SLC8A1: variants seen among roughly 807,000 people sequenced by gnomAD.
The protein encoded by SLC8A1 is sodium/calcium exchanger 1.
Under a neutral mutation model 68.3 loss-of-function variants are expected in SLC8A1, and 18 were observed. The ratio of observed to expected loss-of-function variants is 0.26; its 90% CI spans 0.18 to 0.39. SLC8A1 has a LOEUF of 0.39. SLC8A1 is among the 10% of genes least tolerant of loss of function. The pLI is 1.00. For synonymous variants in SLC8A1, 475 were observed against 415.5 expected, an observed-to-expected ratio of 1.14 and a Z score of -1.74; for missense variants, 985 against 1,156.7, an observed-to-expected ratio of 0.85 and a Z score of 2.15.
At chr2:40,283,577 G>A (rs1002665241) in intron 2 of SLC8A1, among the ~76,000 whole-genome samples, 1 of 152,080 alleles carries the variant, frequency 6.6e-6, no homozygotes, top group South Asian at 2.1e-4. Flanking sequence ...CCAAAATTAC[G>A]AAAGAAAACA....
chr2:40,115,011 G>T (rs1298415941), exon 8 of SLC8A1: 1 of 257,322 alleles, frequency 3.9e-6, no homozygotes, highest in Non-Finnish European at 7.2e-6. Context: ...TGGAGAGAGT[G>T]CAGCCCTTCT....
At chr2:40,462,001 C>CTTTTTTTTTTTTTTTTGTT (rs1703369891) in intron 1 of SLC8A1, among the ~76,000 whole-genome samples, 1 of 66,176 alleles carries the variant, frequency 1.5e-5, no homozygotes, top group Non-Finnish European at 2.9e-5. Context: ...TAAAATCCTC[C>CTTTTTTTTTTTTTTTTGTT]TTTTTTTTTT....
At chr2:40,495,283 T>A (rs1442527483) in intron 1 of SLC8A1, among the ~76,000 whole-genome samples, 1 of 152,028 alleles carries the variant, frequency 6.6e-6, no homozygotes, top group Non-Finnish European at 1.5e-5. Flanking sequence ...GCTTATAATG[T>A]AGTAGGTCAA....
At chr2:40,200,226 A>T (rs1280912116) in intron 2 of SLC8A1, among the ~76,000 whole-genome samples, 3 of 34,036 alleles carry the variant, frequency 8.8e-5, no homozygotes, top group South Asian at 1.2e-3. Flanking sequence ...ATATTTTTTT[A>T]TATATATATA....
intron 2 of SLC8A1, among the ~76,000 whole-genome samples, chr2:40,323,276 A>G (rs1049898924): frequency 6.6e-6 from 1 of 152,164 alleles, no homozygotes; most frequent in East Asian, 1.9e-4. Context: ...GATTCTGTCA[A>G]TATTTCCCTT....
At chr2:40,123,674 T>C (rs1322719602) in intron 7 of SLC8A1, among the ~76,000 whole-genome samples, 1 of 152,224 alleles carries the variant, frequency 6.6e-6, no homozygotes, top group Non-Finnish European at 1.5e-5. Context: ...ATGATTCTGT[T>C]ACTTTCATAA....
chr2:40,216,332 A>C (rs1171702777), intron 2 of SLC8A1, among the ~76,000 whole-genome samples: 1 of 152,134 alleles, frequency 6.6e-6, no homozygotes, highest in Non-Finnish European at 1.5e-5. Context: ...AAAGGACATG[A>C]TCTCATTCTT....
chr2:40,505,447 T>C lies in SLC8A1; in HGVS notation c.-25+6902A>G, dbSNP rs559981510. 7.9e-5 allele frequency among the ~76,000 whole-genome samples: 12 copies of C among 152,042 alleles called. No individual in the cohort carries two copies. In the South Asian group the frequency reaches 2.1e-3, roughly 26 times the overall value. ...TGCATGCCTGTATCCAAACATCTCATGTACCCCATAAATATATATACTATG... is the reference window on the plus strand; with the variant it reads ...TGCATGCCTGTATCCAAACATCTCACGTACCCCATAAATATATATACTATG... On this transcript the variant is annotated intron_variant, in intron 1 of 7. Coordinates refer to the SLC8A1 transcript ENST00000402441.
At chr2:40,255,654 T>C (rs894365787) in intron 2 of SLC8A1, among the ~76,000 whole-genome samples, 1 of 152,164 alleles carries the variant, frequency 6.6e-6, no homozygotes, top group African/African-American at 2.4e-5. Context: ...ATAATTTTGT[T>C]GTGGAAAATA....
intron 2 of SLC8A1, among the ~76,000 whole-genome samples, chr2:40,192,871 G>C (rs2052155518): frequency 6.6e-6 from 1 of 152,138 alleles, no homozygotes; most frequent in Non-Finnish European, 1.5e-5. Context: ...TAATGGAACA[G>C]AAGAGAATCC....
intron 2 of SLC8A1, among the ~76,000 whole-genome samples, chr2:40,359,601 A>C (rs1259278471): frequency 1.3e-5 from 2 of 152,162 alleles, no homozygotes; most frequent in East Asian, 3.9e-4. Context: ...CAAGAAGTAG[A>C]GATAAGAGGA....
intron 2 of SLC8A1, among the ~76,000 whole-genome samples, chr2:40,242,863 A>G (rs928158964): frequency 2.0e-5 from 3 of 152,234 alleles, no homozygotes; most frequent in Non-Finnish European, 4.4e-5. Context: ...AGAAAGACAA[A>G]CTTCACATGC....
At chr2:40,333,578 A>T (rs1178758921) in intron 2 of SLC8A1, among the ~76,000 whole-genome samples, 1 of 152,166 alleles carries the variant, frequency 6.6e-6, no homozygotes, top group Non-Finnish European at 1.5e-5. Context: ...TAGGTATCCC[A>T]TTGAGCTTAT....
At chr2:40,322,670 T>C (rs2075344529) in intron 2 of SLC8A1, among the ~76,000 whole-genome samples, 1 of 151,856 alleles carries the variant, frequency 6.6e-6, no homozygotes. Flanking sequence ...ACCAAGACCC[T>C]ATCTCTAAAA....
intron 2 of SLC8A1, among the ~76,000 whole-genome samples, chr2:40,180,311 A>G (rs1176855297): frequency 6.6e-6 from 1 of 152,218 alleles, no homozygotes; most frequent in African/African-American, 2.4e-5. Flanking sequence ...ATAAAATATT[A>G]GAGAAGGCAC....
rs773699668 is a variant in SLC8A1, at chr2:40,428,461, T to C, written c.1808+12A>G. ...CACACACACACACACACATATATAA[T>C]ATAGAACTTACACAATTTCATCATT... is the stretch of plus-strand genomic sequence containing the variant. On this transcript the variant is annotated intron_variant, in intron 2 of 7. Transcript: ENST00000406785. The C allele has an allele frequency of 5.1e-6, 8 of 1,562,638 alleles. No homozygotes were observed. Among genetic ancestry groups the C allele is most frequent in the South Asian group, 1.2e-5 (1 of 81,236 alleles).
chr2:40,229,909 A>C (rs390145), intron 2 of SLC8A1, among the ~76,000 whole-genome samples: 124,906 of 152,184 alleles, frequency 0.82, 52,007 homozygotes, highest in Middle Eastern at 0.88. Flanking sequence ...ATAGCAAAAG[A>C]TAAATAAGTT....
intron 2 of SLC8A1, among the ~76,000 whole-genome samples, chr2:40,260,933 A>C (rs996376446): frequency 1.3e-5 from 2 of 152,172 alleles, no homozygotes; most frequent in Admixed American, 6.5e-5. Context: ...CCATCCACAA[A>C]TTAAAAGGGA....
intron 2 of SLC8A1, among the ~76,000 whole-genome samples, chr2:40,359,629 AT>A (rs1306893734): frequency 6.6e-6 from 1 of 152,132 alleles, no homozygotes; most frequent in Non-Finnish European, 1.5e-5. Flanking sequence ...GATTTGAGAG[AT>A]ATTTAGGAAG....
Sources: gnomAD v4.1 joint callset for allele counts (sites outside exome capture counted in the v4.1 genomes callset) on GRCh38, gnomAD v4.1.1 for gene constraint, MANE v1.5 for transcripts, NCBI Gene and HGNC (gene_info 2026-07-23, HGNC 2026-07-21) for gene names.